Variants in TTC7A observed in about 807,000 individuals in gnomAD.
The protein encoded by TTC7A is tetratricopeptide repeat domain 7A, also known as tetratricopeptide repeat protein 7A.
In TTC7A, 110 loss-of-function variants were observed where a neutral mutation model predicts 103.7. That is an observed-to-expected ratio of 1.06 (90% CI 0.91 to 1.24). TTC7A has a LOEUF of 1.24. Ranked by LOEUF, TTC7A falls within the 50% of genes most tolerant of loss-of-function variation. The probability of loss-of-function intolerance (pLI) is 0.00; values close to 1 mark genes in which losing one functional copy is unlikely to be tolerated. For synonymous variants in TTC7A, 521 were observed against 467.9 expected (o/e 1.11, Z -1.47); for missense variants, 1,340 against 1,116.3 (o/e 1.20, Z -2.86).
At chr2:47,055,338 C>T (rs1336493701) in intron 18 of TTC7A, among the ~76,000 whole-genome samples, 2 of 152,228 alleles carry the variant, frequency 1.3e-5, no homozygotes, top group Non-Finnish European at 1.5e-5. Context: ...CTGTCGTAGC[C>T]TTCCTCTCTC....
At chr2:47,069,991 G>A (rs1684527814) in intron 19 of TTC7A, among the ~76,000 whole-genome samples, 1 of 152,208 alleles carries the variant, frequency 6.6e-6, no homozygotes, top group Non-Finnish European at 1.5e-5. Context: ...AATACTTGAG[G>A]GCAGGGGTGG....
rs141000432 is a variant in TTC7A, at chr2:47,020,016, A to G, written c.1393-1846A>G. On this transcript the variant is annotated intron_variant, in intron 11 of 19. Coordinates refer to ENST00000319190, the MANE Select transcript of TTC7A (RefSeq NM_020458.4). ...CCTGATAAGCTCTTGGAGTTCCAGT[A>G]GCCCTATGTCAGCACCACACAGTGG... 1.5e-3 allele frequency among the ~76,000 whole-genome samples: 229 copies of G among 152,286 alleles called. 3 individuals carry two copies. The East Asian group carries it at 0.039, about 26-fold the overall frequency.
chr2:46,975,964 T>C (rs571554909), intron 4 of TTC7A, among the ~76,000 whole-genome samples: 38 of 152,324 alleles, frequency 2.5e-4, no homozygotes, highest in African/African-American at 6.7e-4. Context: ...TTTGAACTCC[T>C]GACCTCAGGT....
intron 8 of TTC7A, among the ~76,000 whole-genome samples, chr2:47,003,288 C>T (rs759845271): frequency 9.9e-5 from 15 of 152,076 alleles, no homozygotes; most frequent in Non-Finnish European, 1.6e-4. Flanking sequence ...TGAGCTGAGG[C>T]ATGGGCTGGG....
intron 2 of TTC7A, chr2:46,951,619 C>G (rs1472967064): frequency 6.6e-6 from 3 of 455,304 alleles, no homozygotes; most frequent in Non-Finnish European, 1.3e-5. Context: ...CTGTGTTACT[C>G]AGGCTGGTCT....
intron 15 of TTC7A, among the ~76,000 whole-genome samples, chr2:47,041,879 T>G (rs929926066): frequency 2.0e-5 from 3 of 152,100 alleles, no homozygotes; most frequent in Non-Finnish European, 2.9e-5. Flanking sequence ...GGAGGAGGGC[T>G]TTGGCTGGGC....
At chr2:46,959,111 C>CT (rs1331684966) in intron 3 of TTC7A, among the ~76,000 whole-genome samples, 3 of 152,224 alleles carry the variant, frequency 2.0e-5, no homozygotes, top group Non-Finnish European at 4.4e-5. Flanking sequence ...GCAGCTGGAG[C>CT]TTGTGATACT....
At chr2:46,967,448 A>G (rs570760357) in intron 3 of TTC7A, among the ~76,000 whole-genome samples, 1 of 151,860 alleles carries the variant, frequency 6.6e-6, no homozygotes, top group African/African-American at 2.4e-5. Flanking sequence ...CCACTCTTCT[A>G]TTTTCTGTTT....
intron 15 of TTC7A, among the ~76,000 whole-genome samples, chr2:47,042,072 T>C (rs1455624739): frequency 1.3e-5 from 2 of 152,068 alleles, no homozygotes; most frequent in African/African-American, 4.8e-5. Context: ...AGACAAGTTA[T>C]AGGAGGGTGA....
At chr2:47,054,234 G>A (rs569908428) in intron 18 of TTC7A, 2 of 913,038 alleles carry the variant, frequency 2.2e-6, no homozygotes, top group African/African-American at 2.0e-5. Flanking sequence ...CACAAGGTGG[G>A]TGCTTATTTC....
upstream of TTC7A, among the ~76,000 whole-genome samples, chr2:46,940,104 C>T (rs1239788636): frequency 6.6e-6 from 1 of 152,072 alleles, no homozygotes; most frequent in East Asian, 1.9e-4. The surrounding 1 kb of genome is among the most constrained non-coding windows in gnomAD (Gnocchi z 4.7). Flanking sequence ...CCCTGTGTGG[C>T]TTCATGTGAA....
chr2:46,996,505 T>C (rs1359042249), intron 8 of TTC7A, among the ~76,000 whole-genome samples: 1 of 152,184 alleles, frequency 6.6e-6, no homozygotes, highest in Non-Finnish European at 1.5e-5. Flanking sequence ...TCAGATTGCC[T>C]CTGGTGCCTC....
chr2:46,932,318 T>G (rs2103845452), intron 2 of TTC7A, among the ~76,000 whole-genome samples: 1 of 152,140 alleles, frequency 6.6e-6, no homozygotes, highest in Non-Finnish European at 1.5e-5. Context: ...TTGGCTAATT[T>G]TTGTATTTTT....
intron 19 of TTC7A, among the ~76,000 whole-genome samples, chr2:47,066,535 C>G (rs1321511420): frequency 6.6e-6 from 1 of 152,136 alleles, no homozygotes; most frequent in Non-Finnish European, 1.5e-5. Context: ...CCCATCACCC[C>G]CTCCGCCTGC....
chr2:46,978,260 A>G, intron 4 of TTC7A: 1 of 154,122 alleles, frequency 6.5e-6, no homozygotes, highest in Non-Finnish European at 1.4e-5. Context: ...GTAAGAGTGG[A>G]GAGGGGAACC....
rs139010102 is a variant in TTC7A, at chr2:47,003,509, C to T, written c.1066-2413C>T. The stretch of plus-strand genomic sequence containing the variant: ...GAGAGAAGCCCGCCAGTTAGGCTGC[C>T]CCAGAAAGGAGTTTAGATTTTATCC... On this transcript the variant is annotated intron_variant, in intron 8 of 19. Transcript: ENST00000319190. Among the ~76,000 whole-genome samples the T allele has an allele frequency of 6.8e-3, 1,041 of 152,152 alleles. 11 individuals are homozygous for T. Among genetic ancestry groups the T allele is most frequent in the African/African-American group, 0.024 (987 of 41,462 alleles).
intron 8 of TTC7A, among the ~76,000 whole-genome samples, chr2:46,997,845 T>G (rs898958226): frequency 6.6e-6 from 1 of 152,148 alleles, no homozygotes; most frequent in Non-Finnish European, 1.5e-5. Flanking sequence ...AGCCTCTGCT[T>G]GATCTGAGTC....
intron 8 of TTC7A, among the ~76,000 whole-genome samples, chr2:46,998,205 C>T (rs545208092): frequency 6.6e-6 from 1 of 152,146 alleles, no homozygotes; most frequent in South Asian, 2.1e-4. Context: ...TCCCCTTACG[C>T]ACACCCAGCC....
At chr2:47,053,674 T>G (rs192997273) in intron 18 of TTC7A, among the ~76,000 whole-genome samples, 253 of 152,218 alleles carry the variant, frequency 1.7e-3, no homozygotes, top group African/African-American at 5.6e-3. Flanking sequence ...CAGGTTCAAG[T>G]GATTCTCCCA....
Sources: allele counts gnomAD v4.1 joint callset (sites outside exome capture counted in the v4.1 genomes callset), GRCh38; gene constraint gnomAD v4.1.1; non-coding constraint Gnocchi (gnomAD v3.1); transcripts MANE v1.5; gene names NCBI Gene and HGNC (gene_info 2026-07-23, HGNC 2026-07-21).